The following LNX1 variants were observed in gnomAD, a reference collection of about 807,000 sequenced individuals.
LNX1 encodes ligand of numb-protein X 1.
A neutral mutation model predicts 68.4 loss-of-function variants in LNX1; 54 were observed. That is an observed-to-expected ratio of 0.79 (90% CI 0.63 to 0.99). LNX1 has a LOEUF of 0.99. LNX1 is among the 50% of genes least tolerant of loss of function. LNX1 has a pLI of 0.00. For synonymous variants in LNX1, 336 were observed against 350.0 expected (o/e 0.96, Z 0.45); for missense variants, 906 against 926.4 (o/e 0.98, Z 0.29).
chr4:53,495,628 C>T (rs6832626), intron 6 of LNX1, among the ~76,000 whole-genome samples: 83,543 of 150,510 alleles, frequency 0.56, 24,752 homozygotes, highest in Non-Finnish European at 0.66. Context: ...CTGCAACCTC[C>T]GCCTCCCAGT....
At chr4:53,475,733 G>T (rs1723518309) in intron 9 of LNX1, among the ~76,000 whole-genome samples, 1 of 152,146 alleles carries the variant, frequency 6.6e-6, no homozygotes, top group Non-Finnish European at 1.5e-5. Flanking sequence ...TCTGTTCTTT[G>T]AATAGTTCTG....
At chr4:53,563,777 C>T (rs1292464163) in intron 2 of LNX1, among the ~76,000 whole-genome samples, 2 of 152,206 alleles carry the variant, frequency 1.3e-5, no homozygotes, top group East Asian at 3.9e-4. Flanking sequence ...TCGTGATCCA[C>T]CCGCCTCGGC....
upstream of LNX1, among the ~76,000 whole-genome samples, chr4:53,619,180 T>C (rs1733780772): frequency 6.6e-6 from 1 of 152,222 alleles, no homozygotes; most frequent in Non-Finnish European, 1.5e-5. Context: ...TTTTTTTACA[T>C]TGAGATATAA....
chr4:53,567,927 T>C (rs1730820821), intron 2 of LNX1, among the ~76,000 whole-genome samples: 1 of 151,538 alleles, frequency 6.6e-6, no homozygotes, highest in Non-Finnish European at 1.5e-5. Context: ...ACACATACAC[T>C]CTCCCAAGAC....
Position 53,512,392 on chromosome 4 carries a change from A to G in LNX1, c.381-4165T>C, listed in dbSNP as rs1452218967. Among the ~76,000 whole-genome samples, 3 of 152,162 alleles carry G rather than the reference A, an allele frequency of 2.0e-5. No individual in the cohort carries two copies. In the East Asian group the frequency reaches 5.8e-4, roughly 30 times the overall value. Reference sequence around the variant, plus strand: ...TCTCTGGTAATTAAAAAAAACTGCCAACACAAGTAGATCAGACCCATTTTT... The same window carrying G: ...TCTCTGGTAATTAAAAAAAACTGCCGACACAAGTAGATCAGACCCATTTTT... On this transcript the variant is annotated intron_variant, in intron 2 of 10. Coordinates refer to ENST00000263925, the MANE Select transcript of LNX1 (RefSeq NM_001126328.3).
At chr4:53,461,991 G>T (rs1027157601) in intron 9 of LNX1, among the ~76,000 whole-genome samples, 1 of 151,912 alleles carries the variant, frequency 6.6e-6, no homozygotes, top group African/African-American at 2.4e-5. Flanking sequence ...TTTAATGAGG[G>T]CAAAAATCCT....
intron 2 of LNX1, among the ~76,000 whole-genome samples, chr4:53,570,757 G>A (rs938910740): frequency 6.6e-5 from 10 of 151,612 alleles, no homozygotes; most frequent in African/African-American, 2.4e-4. Context: ...GCTGGGCGTG[G>A]TGGCTCACGC....
intron 9 of LNX1, among the ~76,000 whole-genome samples, chr4:53,463,076 T>C (rs1242257203): frequency 1.3e-5 from 2 of 152,144 alleles, no homozygotes; most frequent in African/African-American, 2.4e-5. Context: ...AATATCAGTT[T>C]TAATTGCCCA....
chr4:53,585,831 G>A (rs1380580369), intron 1 of LNX1, among the ~76,000 whole-genome samples: 1 of 152,140 alleles, frequency 6.6e-6, no homozygotes, highest in Non-Finnish European at 1.5e-5. Flanking sequence ...CAATAAATGG[G>A]AGTTGTTTTA....
rs759732018 is a variant in LNX1 at position 53,508,163 on chromosome 4, G to A, written c.445C>T (p.Pro149Ser). The change falls in exon 3 of 11, where the codon CCA (proline) becomes TCA (serine). Residue 149 changes from proline (P) to serine (S), a missense_variant. Pro to Ser is a moderately conservative substitution (Grantham distance 74). Coordinates refer to ENST00000263925, the MANE Select transcript of LNX1 (RefSeq NM_001126328.3). ...DRKRRSQDGC[P>S]DGCASLTATA... The stretch of plus-strand genomic sequence containing the variant: ...GCTGTGAGGCTCGCACAGCCGTCTG[G>A]ACAGCCATCTTGTGAGCGCCTCTTC... 3.7e-6 allele frequency: 6 copies of A among 1,614,062 alleles called. No homozygotes were observed. The Admixed American group carries it at 6.7e-5, about 18-fold the overall frequency.
intron 6 of LNX1, among the ~76,000 whole-genome samples, chr4:53,490,202 G>T (rs548192867): frequency 6.6e-6 from 1 of 152,164 alleles, no homozygotes; most frequent in African/African-American, 2.4e-5. Flanking sequence ...CTCTAGAAAT[G>T]GCTTTGAGTA....
chr4:53,474,879 G>C (rs1293556403), intron 9 of LNX1, among the ~76,000 whole-genome samples: 1 of 152,096 alleles, frequency 6.6e-6, no homozygotes, highest in Non-Finnish European at 1.5e-5. Context: ...CAATTCTCAT[G>C]CCTCAGCCTC....
chr4:53,622,714 A>G (rs1481789699), intron 1 of LNX1, among the ~76,000 whole-genome samples: 1 of 152,228 alleles, frequency 6.6e-6, no homozygotes, highest in East Asian at 1.9e-4. Context: ...GAAAAACAAG[A>G]TAGCCCTAAC....
intron 2 of LNX1, among the ~76,000 whole-genome samples, chr4:53,543,143 G>A (rs895961264): frequency 6.6e-6 from 1 of 152,144 alleles, no homozygotes; most frequent in Non-Finnish European, 1.5e-5. Context: ...TTACAGAAAC[G>A]AGCCACCACG....
At chr4:53,586,523 T>A (rs1019623103) in intron 1 of LNX1, among the ~76,000 whole-genome samples, 17 of 152,144 alleles carry the variant, frequency 1.1e-4, no homozygotes, top group Admixed American at 1.0e-3. Context: ...TTGAAAAAAA[T>A]CATGGAGTCT....
intron 6 of LNX1, among the ~76,000 whole-genome samples, chr4:53,491,479 C>T (rs910570974): frequency 6.6e-6 from 1 of 152,138 alleles, no homozygotes; most frequent in Non-Finnish European, 1.5e-5. Flanking sequence ...AGGCCAGGAA[C>T]TGTACCAACC....
chr4:53,616,157 G>T (rs1222304123), intron 2 of LNX1, among the ~76,000 whole-genome samples: 3 of 152,044 alleles, frequency 2.0e-5, no homozygotes, highest in Admixed American at 1.3e-4. Context: ...TGATGTTTGC[G>T]TTTCTGTGGG....
intron 2 of LNX1, among the ~76,000 whole-genome samples, chr4:53,512,969 A>G (rs1223016851): frequency 6.6e-6 from 1 of 152,056 alleles, no homozygotes; most frequent in Non-Finnish European, 1.5e-5. Context: ...CCCCAACTCC[A>G]TCTCCACGGC....
chr4:53,564,392 A>C (rs1432309705), intron 2 of LNX1, among the ~76,000 whole-genome samples: 5 of 151,994 alleles, frequency 3.3e-5, no homozygotes, highest in Non-Finnish European at 7.4e-5. Context: ...TCTTCTCCCT[A>C]TTTTTAGAAA....
Sources: allele counts gnomAD v4.1 joint callset (sites outside exome capture counted in the v4.1 genomes callset), GRCh38; gene constraint gnomAD v4.1.1; transcripts MANE v1.5; gene names NCBI Gene and HGNC (gene_info 2026-07-23, HGNC 2026-07-21).